Variants in CCM2 observed in about 807,000 individuals in gnomAD.
The protein encoded by CCM2 is cerebral cavernous malformations 2 protein.
In CCM2, 25 loss-of-function variants were observed where a neutral mutation model predicts 44.9. The observed-to-expected ratio is 0.56, with a 90% CI of 0.41 to 0.78. CCM2 has a LOEUF of 0.78. Ranked by LOEUF, CCM2 falls within the 30% of genes least tolerant of loss-of-function variation. The pLI is 0.00. For missense variants in CCM2, 481 were observed against 580.6 expected (o/e 0.83, Z 1.76); for synonymous variants, 219 against 241.1 (o/e 0.91, Z 0.85).
chr7:45,071,490 C>A, intron 6 of CCM2: 1 of 281,660 alleles, frequency 3.6e-6, no homozygotes, highest in South Asian at 3.1e-5. Context: ...GCATTCTCTG[C>A]TTATTTCTGC....
chr7:45,051,062 C>T (rs993838523), intron 2 of CCM2, among the ~76,000 whole-genome samples: 1 of 152,256 alleles, frequency 6.6e-6, no homozygotes. Flanking sequence ...TGGGGGGATC[C>T]TGGGTGAGAC....
chr7:45,047,168 A>G (rs1182622327), intron 2 of CCM2, among the ~76,000 whole-genome samples: 2 of 152,236 alleles, frequency 1.3e-5, no homozygotes, highest in South Asian at 2.1e-4. Flanking sequence ...AGTTTCTTCA[A>G]ATCTCCACGT....
chr7:45,004,630 T>C (rs1404332518), intron 1 of CCM2, among the ~76,000 whole-genome samples: 1 of 152,224 alleles, frequency 6.6e-6, no homozygotes. Context: ...TAAATGTGTG[T>C]GTCTGTATAA....
At chr7:45,061,857 C>T (rs886524460) in intron 2 of CCM2, among the ~76,000 whole-genome samples, 2 of 152,124 alleles carry the variant, frequency 1.3e-5, no homozygotes, top group Non-Finnish European at 2.9e-5. Flanking sequence ...CCAGTCTCAC[C>T]CTGAGAGCCT....
At chr7:45,044,623 CT>C (rs1448243637) in intron 2 of CCM2, among the ~76,000 whole-genome samples, 1 of 152,160 alleles carries the variant, frequency 6.6e-6, no homozygotes, top group East Asian at 1.9e-4. Flanking sequence ...ACTGGGCTGT[CT>C]TTTTATGTTC....
At position 45,075,327 on chromosome 7, in the gene CCM2, A is replaced by G. The variant is rs560163078; in HGVS notation, c.1055-450A>G. The stretch of plus-strand genomic sequence containing the variant: ...TTGGGACAGTCACCTAGGTCATGGC[A>G]GGGAAACTGGACTTTGGCATGAGGC... On this transcript the variant is annotated intron_variant, in intron 9 of 9. Transcript: ENST00000258781. Among the ~76,000 whole-genome samples, 173 of 152,386 alleles carry G rather than the reference A, an allele frequency of 1.1e-3. 1 individual carries two copies. Among genetic ancestry groups the G allele is most frequent in the African/African-American group, 3.9e-3 (163 of 41,600 alleles).
In CCM2 at chr7:45,073,467, C is replaced by T. The variant is rs755763949; in HGVS notation, c.811C>T (p.Pro271Ser). The part of the protein sequence containing the change: ...YEVEASTFCF[P>S]ESVDVGGASP... ...TACCACATTCTTTCGCAGCTGCTTC[C>T]CTGAATCTGTGGATGTGGGTGGTGC... is the stretch of plus-strand genomic sequence containing the variant. Residue 271 changes from proline to serine, a missense_variant, in exon 8 of 10, where the codon CCT (proline) becomes TCT (serine). Pro to Ser is a moderately conservative substitution (Grantham distance 74, BLOSUM62 -1). Transcript: ENST00000258781. The T allele has an allele frequency of 2.5e-6, 4 of 1,613,220 alleles. No individual in the cohort carries two copies. The highest frequency in any genetic ancestry group is 1.7e-5 in the Admixed American group (1 of 60,002).
intron 1 of CCM2, among the ~76,000 whole-genome samples, chr7:45,025,643 C>T (rs1034581094): frequency 3.0e-4 from 46 of 151,634 alleles, no homozygotes; most frequent in African/African-American, 1.0e-3. Flanking sequence ...AAGTGATTCT[C>T]GTGCTTCAGC....
At chr7:45,038,847 T>C (rs1408289019) in intron 2 of CCM2, among the ~76,000 whole-genome samples, 1 of 152,186 alleles carries the variant, frequency 6.6e-6, no homozygotes, top group East Asian at 1.9e-4. Context: ...CATCATTGGG[T>C]CTCAAAGGCC....
At chr7:45,007,687 G>C (rs1323702335) in intron 1 of CCM2, among the ~76,000 whole-genome samples, 1 of 152,108 alleles carries the variant, frequency 6.6e-6, no homozygotes, top group African/African-American at 2.4e-5. Context: ...TAGGAACATG[G>C]AATTTGGGCT....
chr7:45,026,801 C>T (rs1241940781), intron 1 of CCM2, among the ~76,000 whole-genome samples: 1 of 152,014 alleles, frequency 6.6e-6, no homozygotes, highest in Non-Finnish European at 1.5e-5. Context: ...CGGGGTTTCA[C>T]CGTGTTGGCC....
At chr7:45,065,993 T>C (rs1304715918) in intron 4 of CCM2, among the ~76,000 whole-genome samples, 1 of 152,194 alleles carries the variant, frequency 6.6e-6, no homozygotes, top group East Asian at 1.9e-4. Context: ...TTCAAGCTGG[T>C]AGGGAGGGGA....
At chr7:45,005,313 A>G (rs1795801290) in intron 1 of CCM2, among the ~76,000 whole-genome samples, 2 of 152,236 alleles carry the variant, frequency 1.3e-5, no homozygotes, top group Non-Finnish European at 2.9e-5. Flanking sequence ...AATTTTCAAC[A>G]TATTGTCAGA....
At chr7:45,046,786 A>T (rs1797775030) in intron 2 of CCM2, among the ~76,000 whole-genome samples, 1 of 152,190 alleles carries the variant, frequency 6.6e-6, no homozygotes, top group African/African-American at 2.4e-5. Context: ...CAATGAAAAC[A>T]TATGCTACAG....
At chr7:45,050,293 CTG>C (rs1797943768) in intron 2 of CCM2, among the ~76,000 whole-genome samples, 1 of 152,216 alleles carries the variant, frequency 6.6e-6, no homozygotes, top group South Asian at 2.1e-4. Context: ...TAATTACACT[CTG>C]TGATGTTCAC....
At chr7:45,024,108 G>T (rs1346812069) in intron 1 of CCM2, among the ~76,000 whole-genome samples, 1 of 152,124 alleles carries the variant, frequency 6.6e-6, no homozygotes. Flanking sequence ...ACCGCACCCG[G>T]CCTCTGTATC....
intron 1 of CCM2, among the ~76,000 whole-genome samples, chr7:45,007,648 A>G (rs1424007474): frequency 1.3e-5 from 2 of 152,232 alleles, no homozygotes; most frequent in Admixed American, 1.3e-4. Context: ...TGTATGTGCA[A>G]TGAAAGTGAT....
At chr7:45,001,475 G>A (rs1171278271) in intron 1 of CCM2, among the ~76,000 whole-genome samples, 4 of 152,274 alleles carry the variant, frequency 2.6e-5, no homozygotes, top group Non-Finnish European at 4.4e-5. Context: ...GCCAAGCAGT[G>A]TAAAAGGAGT....
chr7:45,023,796 T>TGTTTTTTTTTG (rs1360196894), intron 1 of CCM2, among the ~76,000 whole-genome samples: 1 of 119,366 alleles, frequency 8.4e-6, no homozygotes, highest in Non-Finnish European at 1.7e-5. Context: ...AGTTTTTTTT[T>TGTTTTTTTTTG]TTTTTTTTTT....
Sources: allele counts gnomAD v4.1 joint callset (sites outside exome capture counted in the v4.1 genomes callset), GRCh38; gene constraint gnomAD v4.1.1; transcripts MANE v1.5; gene names NCBI Gene and HGNC (gene_info 2026-07-23, HGNC 2026-07-21).